The following MYO16 variants were observed in gnomAD, a reference collection of about 807,000 sequenced individuals.
MYO16 encodes myosin XVI.
In MYO16, 94 loss-of-function variants were observed where a neutral mutation model predicts 205.3. The ratio of observed to expected loss-of-function variants is 0.46; its 90% CI spans 0.39 to 0.54. The LOEUF (loss-of-function observed/expected upper bound fraction) is 0.54, where lower values mean the gene tolerates loss of function less well. MYO16 is among the 20% of genes least tolerant of loss of function. The pLI is 0.00. For missense variants in MYO16, 2,315 were observed against 2,387.5 expected (o/e 0.97, Z 0.63); for synonymous variants, 988 against 954.0 (o/e 1.04, Z -0.66).
At chr13:109,193,157 G>A (rs1879999377) in intron 34 of MYO16, among the ~76,000 whole-genome samples, 1 of 151,956 alleles carries the variant, frequency 6.6e-6, no homozygotes, top group African/African-American at 2.4e-5. Flanking sequence ...CACACACAGT[G>A]TATAGAGAAT....
rs764188266 is a variant in MYO16 at position 108,838,499 on chromosome 13, T to C, written c.1098-5844T>C. Among the ~76,000 whole-genome samples the C allele has an allele frequency of 6.9e-4, 98 of 141,470 alleles. 1 individual carries two copies. Among genetic ancestry groups the C allele is most frequent in the Non-Finnish European group, 1.2e-3 (76 of 65,068 alleles). 92.8% of individuals were successfully genotyped at this position (141,470 alleles called of 152,430 possible). A position where few individuals can be genotyped will look rare whatever the true frequency, so the allele number is the denominator to read the frequency against. ...TTTCATAATGAAACCCTGTCTCTAG[T>C]AAAAATTAAAAAAAAAAAAAAAGCT... On this transcript the variant is annotated intron_variant, in intron 9 of 34. Transcript: ENST00000457511.
intron 31 of MYO16, among the ~76,000 whole-genome samples, chr13:109,132,686 A>G (rs556137394): frequency 1.2e-4 from 19 of 152,294 alleles, no homozygotes; most frequent in African/African-American, 4.3e-4. Flanking sequence ...AAGCCCTTTA[A>G]AAAAATTTTA....
At chr13:109,069,618 T>C (rs1887863798) in intron 27 of MYO16, among the ~76,000 whole-genome samples, 1 of 151,252 alleles carries the variant, frequency 6.6e-6, no homozygotes, top group African/African-American at 2.4e-5. Context: ...TCATATGACC[T>C]CATGGCTTTT....
At chr13:108,636,367 T>TGTGTG (rs1460236758) in intron 1 of MYO16, among the ~76,000 whole-genome samples, 8 of 58,520 alleles carry the variant, frequency 1.4e-4, no homozygotes, top group Admixed American at 2.7e-4. Context: ...TTTTTTTTTT[T>TGTGTG]TTTGTGTGTG....
At chr13:108,766,714 T>C (rs1330818471) in intron 4 of MYO16, among the ~76,000 whole-genome samples, 1 of 152,212 alleles carries the variant, frequency 6.6e-6, no homozygotes, top group Non-Finnish European at 1.5e-5. Context: ...CTAATATTCA[T>C]TTTCAGTCAT....
At chr13:108,519,569 T>C in the MYO16 span, among the ~76,000 whole-genome samples, 2 of 151,034 alleles carry the variant, frequency 1.3e-5, no homozygotes, top group East Asian at 3.9e-4. Flanking sequence ...ATTTGAACAC[T>C]GGAAATAATG....
intron 4 of MYO16, among the ~76,000 whole-genome samples, chr13:108,738,455 G>A (rs1434747954): frequency 6.6e-6 from 1 of 152,160 alleles, no homozygotes; most frequent in Admixed American, 6.5e-5. Flanking sequence ...TTTTGAGTGA[G>A]TTTCTCAATC....
chr13:108,934,290 A>G (rs1882383988), intron 16 of MYO16, among the ~76,000 whole-genome samples: 1 of 152,080 alleles, frequency 6.6e-6, no homozygotes, highest in Non-Finnish European at 1.5e-5. Context: ...AGCCATTCTG[A>G]TTGGTATGAA....
At position 109,046,594 on chromosome 13, in the gene MYO16, T is replaced by A. The variant is rs75507447; in HGVS notation, c.2797-322T>A. Among the ~76,000 whole-genome samples the A allele has an allele frequency of 6.6e-3, 999 of 152,322 alleles. 12 individuals are homozygous for A. Among genetic ancestry groups the A allele is most frequent in the African/African-American group, 0.023 (950 of 41,570 alleles). On this transcript the variant is annotated intron_variant, in intron 23 of 34. Coordinates refer to ENST00000457511, the MANE Select transcript of MYO16 (RefSeq NM_001198950.3). Reference sequence around the variant, plus strand: ...AGTTTCGCAAGTGTGTTTACTTGGTTTAGTGAGTTTTCTGAGCAAGTTAGA... The same window carrying A: ...AGTTTCGCAAGTGTGTTTACTTGGTATAGTGAGTTTTCTGAGCAAGTTAGA...
rs1209711723 is a variant in MYO16, at chr13:109,113,832, C to T, written c.3439-6538C>T. On this transcript the variant is annotated intron_variant, in intron 28 of 34. Coordinates refer to ENST00000457511, the MANE Select transcript of MYO16 (RefSeq NM_001198950.3). Reference sequence around the variant, plus strand: ...CTCAGGGAACACCCAGGTAGATGGTCCTTTTGGTCACTGAGCTAGAGAATC... The same window carrying T: ...CTCAGGGAACACCCAGGTAGATGGTTCTTTTGGTCACTGAGCTAGAGAATC... Among the ~76,000 whole-genome samples, 7 of 152,226 alleles carry T rather than the reference C, an allele frequency of 4.6e-5. No individual in the cohort carries two copies. In the East Asian group the frequency reaches 1.4e-3, roughly 29 times the overall value.
At chr13:108,620,348 T>C (rs1594148907) in intron 1 of MYO16, among the ~76,000 whole-genome samples, 1 of 152,164 alleles carries the variant, frequency 6.6e-6, no homozygotes, top group East Asian at 1.9e-4. Context: ...CTAACGTATT[T>C]ATTTTTTGAC....
intron 8 of MYO16, among the ~76,000 whole-genome samples, chr13:108,822,879 C>A (rs1408549919): frequency 1.3e-5 from 2 of 152,088 alleles, no homozygotes; most frequent in Non-Finnish European, 2.9e-5. Context: ...TACATATCAC[C>A]ATCCAGTCTA....
chr13:108,680,254 G>T (rs981428611), intron 2 of MYO16, among the ~76,000 whole-genome samples: 1 of 152,216 alleles, frequency 6.6e-6, no homozygotes, highest in Non-Finnish European at 1.5e-5. Context: ...GCCTGGCAGA[G>T]TGTAGTTTCT....
At chr13:108,762,376 G>A (rs993032981) in intron 4 of MYO16, among the ~76,000 whole-genome samples, 16 of 152,222 alleles carry the variant, frequency 1.1e-4, no homozygotes, top group Non-Finnish European at 2.1e-4. Context: ...GGGATTTTTG[G>A]ATCAAATCGT....
intron 28 of MYO16, among the ~76,000 whole-genome samples, chr13:109,107,062 C>T (rs1011637090): frequency 4.6e-5 from 7 of 152,116 alleles, no homozygotes; most frequent in African/African-American, 1.7e-4. Flanking sequence ...AATTAGAACA[C>T]CAACTTCATC....
chr13:108,684,080 T>G (rs186043916), intron 2 of MYO16, among the ~76,000 whole-genome samples: 1 of 152,288 alleles, frequency 6.6e-6, no homozygotes, highest in African/African-American at 2.4e-5. Flanking sequence ...TTCACCATGT[T>G]GGCCAAGATG....
chr13:108,844,259 A>G, intron 9 of MYO16, 84 bp from the exon 10 acceptor site: 1 of 1,115,536 alleles, frequency 9.0e-7, no homozygotes, highest in Admixed American at 2.7e-5. Context: ...CCACCGTCAT[A>G]GTCCAACTAT....
chr13:108,817,435 A>G lies in MYO16; in HGVS notation c.868-2902A>G, dbSNP rs544051278. 5.4e-4 allele frequency among the ~76,000 whole-genome samples: 82 copies of G among 152,342 alleles called. No individual in the cohort carries two copies. The South Asian group carries it at 6.2e-3, about 12-fold the overall frequency. ...ACATATACATTTCTGTGTTTTATTT[A>G]TCTGAAGTTTAAGAATAGACAAAAC... On this transcript the variant is annotated intron_variant, in intron 7 of 34. Transcript: ENST00000457511.
intron 23 of MYO16, among the ~76,000 whole-genome samples, chr13:109,027,979 G>T (rs1234462231): frequency 6.6e-6 from 1 of 151,820 alleles, no homozygotes. Flanking sequence ...TCCTTGACTT[G>T]TTTAAAAAAA....
Sources: gnomAD v4.1 joint callset for allele counts (sites outside exome capture counted in the v4.1 genomes callset) on GRCh38, gnomAD v4.1.1 for gene constraint, MANE v1.5 for transcripts, NCBI Gene and HGNC (gene_info 2026-07-23, HGNC 2026-07-21) for gene names.